The following TACC1 variants were observed in gnomAD, a reference collection of about 807,000 sequenced individuals.
TACC1 encodes transforming acidic coiled-coil-containing protein 1.
In TACC1, 48 loss-of-function variants were observed where a neutral mutation model predicts 84.4. The ratio of observed to expected loss-of-function variants is 0.57; its 90% CI spans 0.45 to 0.72. TACC1 has a LOEUF of 0.72. Ranked by LOEUF, TACC1 falls within the 30% of genes least tolerant of loss-of-function variation. The pLI is 0.00. For missense variants in TACC1, 920 were observed against 973.0 expected, an observed-to-expected ratio of 0.95 and a Z score of 0.72; for synonymous variants, 372 against 376.3, an observed-to-expected ratio of 0.99 and a Z score of 0.13.
intron 11 of TACC1, among the ~76,000 whole-genome samples, chr8:38,844,231 G>T (rs1053052248): frequency 6.6e-6 from 1 of 151,886 alleles, no homozygotes; most frequent in East Asian, 1.9e-4. Flanking sequence ...GGAGTGGAGC[G>T]GTGCAATCTA....
chr8:38,813,629 G>A (rs187820932), intron 2 of TACC1, among the ~76,000 whole-genome samples: 4 of 152,332 alleles, frequency 2.6e-5, no homozygotes, highest in Non-Finnish European at 2.9e-5. Flanking sequence ...GTTAGAAAAT[G>A]TTGACTGGTT....
At chr8:38,800,753 G>A (rs1264032149) in intron 2 of TACC1, among the ~76,000 whole-genome samples, 1 of 152,038 alleles carries the variant, frequency 6.6e-6, no homozygotes, top group African/African-American at 2.4e-5. Flanking sequence ...TTCATTTCTC[G>A]GGTATATAAC....
At chr8:38,734,110 G>A (rs1451575980) in intron 1 of TACC1, among the ~76,000 whole-genome samples, 1 of 152,138 alleles carries the variant, frequency 6.6e-6, no homozygotes, top group Non-Finnish European at 1.5e-5. Context: ...GGCAAAGAGG[G>A]GAGGGCTTCC....
At chr8:38,828,272 A>G (rs886995006) in intron 5 of TACC1, among the ~76,000 whole-genome samples, 3 of 152,228 alleles carry the variant, frequency 2.0e-5, no homozygotes, top group Non-Finnish European at 2.9e-5. Flanking sequence ...AAGTAAGTCA[A>G]AGAAGTTAAG....
At chr8:38,818,638 A>G (rs950502084) in intron 2 of TACC1, among the ~76,000 whole-genome samples, 4 of 152,114 alleles carry the variant, frequency 2.6e-5, no homozygotes, top group African/African-American at 9.7e-5. Context: ...CCATTTCCAT[A>G]TCTGGTTTTT....
chr8:38,819,547 T>A lies in TACC1; in HGVS notation c.303T>A (p.Leu101=). 6.2e-7 allele frequency: 1 copy of A among 1,611,096 alleles called. No individual in the cohort carries two copies. Among genetic ancestry groups the A allele is most frequent in the Non-Finnish European group, 8.5e-7 (1 of 1,177,670 alleles). The change falls in exon 3 of 13, where the codon CTT becomes CTA. Residue 101 remains leucine (L), a synonymous_variant. Transcript: ENST00000317827. The stretch of plus-strand genomic sequence containing the variant: ...AATCACAAGAAGCTGATGAACAGCT[T>A]GTAGCAGAAGTGGTTGAAAAATGTT... ...SQESQEADEQ[L]VAEVVEKCSS...
chr8:38,748,988 A>G (rs866591856), intron 3 of TACC1, among the ~76,000 whole-genome samples: 19 of 152,302 alleles, frequency 1.2e-4, no homozygotes, highest in African/African-American at 3.6e-4. Flanking sequence ...AGATAAAAAA[A>G]TCATTAAAAG....
At chr8:38,781,897 G>A (rs564790738) in intron 3 of TACC1, among the ~76,000 whole-genome samples, 1 of 151,872 alleles carries the variant, frequency 6.6e-6, no homozygotes, top group South Asian at 2.1e-4. Flanking sequence ...CAGACTTGGA[G>A]TTGGACTTGG....
intron 3 of TACC1, among the ~76,000 whole-genome samples, chr8:38,780,980 T>C (rs1235689396): frequency 1.3e-5 from 2 of 152,206 alleles, no homozygotes; most frequent in Non-Finnish European, 2.9e-5. Context: ...TGTAATGAAA[T>C]TCCCCCAAAT....
intron 1 of TACC1, among the ~76,000 whole-genome samples, chr8:38,741,598 T>C (rs1807083605): frequency 6.6e-6 from 1 of 152,170 alleles, no homozygotes; most frequent in Non-Finnish European, 1.5e-5. Context: ...CATTTCTCAG[T>C]GGAATGACTA....
At chr8:38,840,352 C>CT (rs773692676) in intron 9 of TACC1, 85 bp downstream of exon 9, 1 of 1,242,002 alleles carries the variant, frequency 8.1e-7, no homozygotes, top group Non-Finnish European at 1.2e-6. Flanking sequence ...AATATGTAAG[C>CT]TAGGTAGCTT....
intron 2 of TACC1, among the ~76,000 whole-genome samples, chr8:38,804,869 C>G (rs1007698771): frequency 2.6e-5 from 4 of 152,174 alleles, no homozygotes; most frequent in Admixed American, 6.5e-5. Context: ...TCCCAACTGT[C>G]TACAGTTTAT....
At chr8:38,734,525 G>A (rs34120903) in intron 1 of TACC1, among the ~76,000 whole-genome samples, 16 of 152,106 alleles carry the variant, frequency 1.1e-4, no homozygotes, top group Non-Finnish European at 1.9e-4. Context: ...TGAGGTTCCA[G>A]GCAGATACAA....
chr8:38,786,590 C>A (rs1484172338), upstream of TACC1, among the ~76,000 whole-genome samples: 2 of 152,126 alleles, frequency 1.3e-5, no homozygotes, highest in African/African-American at 4.8e-5. Flanking sequence ...TGTAATCTCA[C>A]AGGGAATTTA....
At chr8:38,743,037 A>G (rs1455042465) in intron 2 of TACC1, among the ~76,000 whole-genome samples, 2 of 152,232 alleles carry the variant, frequency 1.3e-5, no homozygotes, top group Non-Finnish European at 2.9e-5. Flanking sequence ...TACTTGTGTA[A>G]ATGAAAGAAG....
At chr8:38,769,508 G>GAT (rs1813057889) in intron 3 of TACC1, among the ~76,000 whole-genome samples, 1 of 143,558 alleles carries the variant, frequency 7.0e-6, no homozygotes. Context: ...TGGTGTGTGT[G>GAT]TGTGGTGTGT....
intron 2 of TACC1, among the ~76,000 whole-genome samples, chr8:38,809,887 C>T (rs1823662578): frequency 6.6e-6 from 1 of 151,882 alleles, no homozygotes; most frequent in Non-Finnish European, 1.5e-5. Flanking sequence ...AACACATAGC[C>T]CTGGATATTC....
chr8:38,819,374 T>G, intron 2 of TACC1, 148 bp from the exon 3 acceptor site: 2 of 909,470 alleles, frequency 2.2e-6, no homozygotes, highest in South Asian at 3.7e-5. Flanking sequence ...TCTTTCAGGC[T>G]GTGCTGCCAT....
At chr8:38,767,038 T>A (rs1250407972) in intron 3 of TACC1, among the ~76,000 whole-genome samples, 2 of 149,780 alleles carry the variant, frequency 1.3e-5, no homozygotes, top group African/African-American at 5.0e-5. Context: ...TGTATTGCAT[T>A]TACACAGAGC....
Sources: allele counts gnomAD v4.1 joint callset (sites outside exome capture counted in the v4.1 genomes callset), GRCh38; gene constraint gnomAD v4.1.1; transcripts MANE v1.5; gene names NCBI Gene and HGNC (gene_info 2026-07-23, HGNC 2026-07-21).